Variants in RFTN1 observed in about 807,000 individuals in gnomAD.
RFTN1 encodes raftlin.
In RFTN1, 26 loss-of-function variants were observed where a neutral mutation model predicts 46.5. That is an observed-to-expected ratio of 0.56 (90% CI 0.41 to 0.78). The LOEUF (loss-of-function observed/expected upper bound fraction) is 0.78. RFTN1 is among the 30% of genes least tolerant of loss of function. RFTN1 has a pLI of 0.00. For synonymous variants in RFTN1, 261 were observed against 284.2 expected (o/e 0.92, Z 0.82); for missense variants, 693 against 718.7 (o/e 0.96, Z 0.41).
chr3:16,401,053 T>C (rs1307526632), intron 4 of RFTN1, among the ~76,000 whole-genome samples: 1 of 152,160 alleles, frequency 6.6e-6, no homozygotes, highest in African/African-American at 2.4e-5. Context: ...GGCTCATGCC[T>C]GGAATCCCAG....
Position 16,346,689 on chromosome 3 carries a change from G to T in RFTN1, c.1146+11243C>A, listed in dbSNP as rs2071743282. On this transcript the variant is annotated intron_variant, in intron 7 of 9. Coordinates refer to ENST00000334133, the MANE Select transcript of RFTN1 (RefSeq NM_015150.2). The surrounding 1 kb of genome is among the most constrained non-coding windows in gnomAD (Gnocchi z 4.4). ...GAGACCTGAGGAAATCTCTGTTGTG[G>T]GTTTCTGGGAAAGCTTTTACTTGCT... 6.6e-6 allele frequency among the ~76,000 whole-genome samples: 1 copy of T among 152,274 alleles called. No individual in the cohort carries two copies. Among genetic ancestry groups the T allele is most frequent in the Admixed American group, 6.5e-5 (1 of 15,302 alleles).
intron 6 of RFTN1, among the ~76,000 whole-genome samples, chr3:16,364,268 T>G (rs2073013991): frequency 6.6e-6 from 1 of 152,242 alleles, no homozygotes; most frequent in South Asian, 2.1e-4. Flanking sequence ...TTCAAGGCTT[T>G]TCATTGAATC....
chr3:16,487,543 T>C (rs1427689215), intron 2 of RFTN1, among the ~76,000 whole-genome samples: 2 of 152,200 alleles, frequency 1.3e-5, no homozygotes, highest in Non-Finnish European at 2.9e-5. Context: ...CAGAATATTC[T>C]ATTTTACTTT....
intron 5 of RFTN1, among the ~76,000 whole-genome samples, chr3:16,373,677 A>C (rs1352950972): frequency 6.6e-6 from 1 of 152,088 alleles, no homozygotes; most frequent in East Asian, 1.9e-4. Flanking sequence ...CTGGGTGAAA[A>C]TCTGGGGCTC....
chr3:16,366,077 T>C (rs575631784), intron 6 of RFTN1, among the ~76,000 whole-genome samples: 1 of 148,832 alleles, frequency 6.7e-6, no homozygotes, highest in African/African-American at 2.5e-5. Flanking sequence ...GGCAGGGGTG[T>C]GGAGCAGGGA....
At chr3:16,367,136 T>C (rs542550530) in intron 6 of RFTN1, among the ~76,000 whole-genome samples, 63 of 152,306 alleles carry the variant, frequency 4.1e-4, no homozygotes, top group African/African-American at 1.5e-3. Flanking sequence ...TATTTTGGAG[T>C]ATAAATCTCT....
rs527415028 is a variant in RFTN1 at position 16,345,376 on chromosome 3, T to G, written c.1146+12556A>C. On this transcript the variant is annotated intron_variant, in intron 7 of 9. Coordinates refer to ENST00000334133, the MANE Select transcript of RFTN1 (RefSeq NM_015150.2). The surrounding 1 kb of genome is among the most constrained non-coding windows in gnomAD (Gnocchi z 5.2). ...GGAAAACCTAAAGATATAGCCCCTG[T>G]TATCACATTGAGCCCTTAACTTGCC... The G allele has an allele frequency of 6.6e-6, 1 of 152,082 alleles. No individual in the cohort carries two copies. Among genetic ancestry groups the G allele is most frequent in the Non-Finnish European group, 1.5e-5 (1 of 67,994 alleles). The allele number at this position is 152,082 out of a possible 1,614,324, so 9.4% of individuals were successfully genotyped here.
intron 4 of RFTN1, among the ~76,000 whole-genome samples, chr3:16,405,497 T>C (rs2074834735): frequency 6.6e-6 from 1 of 152,150 alleles, no homozygotes; most frequent in African/African-American, 2.4e-5. Flanking sequence ...CCAAAAGGAA[T>C]GGAGTCATCA....
chr3:16,320,878 C>T lies in RFTN1; in HGVS notation c.1332+2498G>A, dbSNP rs1012643330. On this transcript the variant is annotated intron_variant, in intron 9 of 9. Transcript: ENST00000334133. The surrounding 1 kb of genome is among the most constrained non-coding windows in gnomAD (Gnocchi z 4.5). Reference sequence around the variant, plus strand: ...TCAGAGTCATACAAAACTAGAACTCCTTTGAGCAGTGGGATGACAGGATTC... The same window carrying T: ...TCAGAGTCATACAAAACTAGAACTCTTTTGAGCAGTGGGATGACAGGATTC... Among the ~76,000 whole-genome samples the T allele has an allele frequency of 7.9e-5, 12 of 152,194 alleles. No individual in the cohort carries two copies. Among genetic ancestry groups the T allele is most frequent in the African/African-American group, 2.9e-4 (12 of 41,438 alleles).
intron 2 of RFTN1, among the ~76,000 whole-genome samples, chr3:16,492,525 G>C (rs1048920218): frequency 6.6e-6 from 1 of 152,202 alleles, no homozygotes; most frequent in Non-Finnish European, 1.5e-5. Context: ...CTCTGAGGCA[G>C]AGCCAGGACT....
rs1559384530 is a variant in RFTN1, at chr3:16,512,369, ATGAGTTGCTG to A, written c.-9+1063_-9+1072del. On this transcript the variant is annotated intron_variant, in intron 1 of 9. Transcript: ENST00000334133. This position sits in a 1 kb window ranked among gnomAD's most constrained non-coding sequence, Gnocchi z 4.3. The stretch of plus-strand genomic sequence containing the variant: ...GTACCGACTACAAGGGTTCCAGCAC[ATGAGTTGCTG>A]GAAACTGGGGTGACCACTGACAGAG... Among the ~76,000 whole-genome samples, 4 of 151,886 alleles carry A rather than the reference ATGAGTTGCTG, an allele frequency of 2.6e-5. No individual in the cohort carries two copies. Among genetic ancestry groups the A allele is most frequent in the Admixed American group, 2.0e-4 (3 of 15,248 alleles).
Position 16,410,436 on chromosome 3 carries a change from A to G in RFTN1, c.333-953T>C, listed in dbSNP as rs2125449576. The stretch of plus-strand genomic sequence containing the variant: ...TGGTATGGGTGTGGGGGTGGTGATC[A>G]AAAGTGAATTTAGCCATAATCCCTA... On this transcript the variant is annotated intron_variant, in intron 3 of 9. Transcript: ENST00000334133. This position sits in a 1 kb window ranked among gnomAD's most constrained non-coding sequence, Gnocchi z 4.6. Among the ~76,000 whole-genome samples, 1 of 152,232 alleles carries G rather than the reference A, an allele frequency of 6.6e-6. No homozygotes were observed. The highest frequency in any genetic ancestry group is 2.1e-4 in the South Asian group (1 of 4,812).
intron 2 of RFTN1, among the ~76,000 whole-genome samples, chr3:16,467,046 C>T (rs1007996369): frequency 6.6e-6 from 1 of 152,002 alleles, no homozygotes; most frequent in African/African-American, 2.4e-5. Flanking sequence ...AAATGTGTTA[C>T]CAGCAGCGTT....
At chr3:16,330,317 T>C (rs1049770110) in intron 7 of RFTN1, among the ~76,000 whole-genome samples, 3 of 152,248 alleles carry the variant, frequency 2.0e-5, no homozygotes, top group African/African-American at 7.2e-5. Flanking sequence ...TGATTTTCCG[T>C]AAGCATCTAT....
intron 2 of RFTN1, among the ~76,000 whole-genome samples, chr3:16,438,929 A>G (rs1263080674): frequency 6.6e-6 from 1 of 152,182 alleles, no homozygotes; most frequent in Non-Finnish European, 1.5e-5. Flanking sequence ...AAATCGGTGC[A>G]CTAAAAATGT....
chr3:16,355,957 C>T (rs2072405033), intron 7 of RFTN1, among the ~76,000 whole-genome samples: 1 of 152,228 alleles, frequency 6.6e-6, no homozygotes, highest in South Asian at 2.1e-4. Flanking sequence ...CATGGCCTGC[C>T]AATCACTCGG....
intron 5 of RFTN1, among the ~76,000 whole-genome samples, chr3:16,373,079 C>A (rs1159263655): frequency 6.6e-6 from 1 of 152,212 alleles, no homozygotes; most frequent in Non-Finnish European, 1.5e-5. Flanking sequence ...TGAGCAAGCA[C>A]CAAAGATTCC....
chr3:16,475,357 G>T lies in RFTN1; in HGVS notation c.145+18368C>A, dbSNP rs1423714516. Among the ~76,000 whole-genome samples the T allele has an allele frequency of 1.3e-5, 2 of 152,182 alleles. No homozygotes were observed. The highest frequency in any genetic ancestry group is 1.5e-5 in the Non-Finnish European group (1 of 68,034). Reference sequence around the variant, plus strand: ...TTTGCTTACCAGCCCCACAATTTTTGAATCTGCAGATTTGGAGCTGCTGGT... The same window carrying T: ...TTTGCTTACCAGCCCCACAATTTTTTAATCTGCAGATTTGGAGCTGCTGGT... On this transcript the variant is annotated intron_variant, in intron 2 of 9. Coordinates refer to ENST00000334133, the MANE Select transcript of RFTN1 (RefSeq NM_015150.2). This position sits in a 1 kb window ranked among gnomAD's most constrained non-coding sequence, Gnocchi z 4.2.
chr3:16,419,271 A>C (rs2075142417), intron 3 of RFTN1, among the ~76,000 whole-genome samples: 1 of 152,158 alleles, frequency 6.6e-6, no homozygotes, highest in African/African-American at 2.4e-5. Flanking sequence ...CCGGGGCAGA[A>C]TAGTGGGAAA....
Sources: allele counts gnomAD v4.1 joint callset (sites outside exome capture counted in the v4.1 genomes callset), GRCh38; gene constraint gnomAD v4.1.1; non-coding constraint Gnocchi (gnomAD v3.1); transcripts MANE v1.5; gene names NCBI Gene and HGNC (gene_info 2026-07-23, HGNC 2026-07-21).